The following SREBF2 variants were observed in gnomAD, a reference collection of about 807,000 sequenced individuals.
SREBF2 encodes sterol regulatory element binding transcription factor 2.
In SREBF2, 55 loss-of-function variants were observed where a neutral mutation model predicts 113.1. The observed-to-expected ratio is 0.49, with a 90% confidence interval of 0.39 to 0.61. The LOEUF is 0.61. Among genes scored for constraint, SREBF2 ranks in the 20% least tolerant of loss-of-function variants. The pLI, the probability that SREBF2 is intolerant of heterozygous loss-of-function variation, is 0.00. For synonymous variants in SREBF2, 593 were observed against 605.7 expected (o/e 0.98, Z 0.31); for missense variants, 1,349 against 1,487.4 (o/e 0.91, Z 1.53).
At position 41,903,054 on chromosome 22, in the gene SREBF2, G is replaced by A; in HGVS notation, c.2992G>A (p.Gly998Arg). The A allele has an allele frequency of 1.1e-5, 17 of 1,606,816 alleles. No homozygotes were observed. The highest frequency in any genetic ancestry group is 1.4e-5 in the Non-Finnish European group (17 of 1,176,980). The change falls in exon 17 of 19, where the codon GGG (glycine) becomes AGG (arginine). Residue 998 changes from glycine to arginine, a missense_variant. By Grantham distance (125) the Gly-to-Arg change is moderately radical. Around this residue, in one of 2 missense-constraint regions of SREBF2, gnomAD observed 650 missense variants for 644.1 expected, o/e 1.01. Transcript: ENST00000361204. The stretch of plus-strand genomic sequence containing the variant: ...ACAGGCCAGTGCCAGCCAGGCTGTG[G>A]GGGAGACCTACCACGCGTCAGGCGC... ...QKQASASQAV[G>R]ETYHASGAEL... is the part of the protein sequence containing the mutation.
intron 7 of SREBF2, among the ~76,000 whole-genome samples, chr22:41,876,426 C>T (rs1311908595): frequency 6.6e-6 from 1 of 152,180 alleles, no homozygotes. Flanking sequence ...AAATGTGGTT[C>T]TGTTTGGCAA....
chr22:41,843,420 G>A lies in SREBF2; in HGVS notation c.88+10062G>A, dbSNP rs182445828. 3.3e-5 allele frequency among the ~76,000 whole-genome samples: 5 copies of A among 152,360 alleles called. No homozygotes were observed. In the East Asian group the frequency reaches 9.6e-4, roughly 29 times the overall value. ...TCTCACAGAATGTGTATGGCCTTGGGTGCCAGGCACCGTTCCATGCCTTAA... is the reference window on the plus strand; with the variant it reads ...TCTCACAGAATGTGTATGGCCTTGGATGCCAGGCACCGTTCCATGCCTTAA... On this transcript the variant is annotated intron_variant, in intron 1 of 18. Transcript: ENST00000361204.
In SREBF2 at chr22:41,842,138, A is replaced by T. The variant is rs529386736; in HGVS notation, c.88+8780A>T. Among the ~76,000 whole-genome samples, 17 of 152,284 alleles carry T rather than the reference A, an allele frequency of 1.1e-4. No homozygotes were observed. In the South Asian group the frequency reaches 3.5e-3, roughly 32 times the overall value. On this transcript the variant is annotated intron_variant, in intron 1 of 18. Transcript: ENST00000361204. The stretch of plus-strand genomic sequence containing the variant: ...AACTTGGAAATATTTTTATTTTTTT[A>T]AAAGATAGTACATTCATATGAATCA...
Position 41,905,565 on chromosome 22 carries a change from C to T in SREBF2, c.3331C>T (p.Arg1111Cys), listed in dbSNP as rs769470667. 9.4e-6 allele frequency: 15 copies of T among 1,596,022 alleles called. No homozygotes were observed. The highest frequency in any genetic ancestry group is 2.3e-5 in the East Asian group (1 of 43,888). The change falls in exon 19 of 19, where the codon CGC (arginine) becomes TGC (cysteine). Residue 1111 changes from arginine (R) to cysteine (C), a missense_variant. By Grantham distance (180) the Arg-to-Cys change is radical (BLOSUM62 -3). Around this residue, in one of 2 missense-constraint regions of SREBF2, gnomAD observed 650 missense variants for 644.1 expected, o/e 1.01. Transcript: ENST00000361204. ...GGCAGTGCTGCTGGCCGAAGCTGCCCGCACCCTGGAGAAGGTGGGCGACCG... is the reference window on the plus strand; with the variant it reads ...GGCAGTGCTGCTGGCCGAAGCTGCCTGCACCCTGGAGAAGGTGGGCGACCG... ...QRAVLLAEAA[R>C]TLEKVGDRRS... is the part of the protein sequence containing the mutation.
chr22:41,901,636 G>A (rs1207427385), intron 16 of SREBF2, among the ~76,000 whole-genome samples: 1 of 152,198 alleles, frequency 6.6e-6, no homozygotes, highest in Non-Finnish European at 1.5e-5. Flanking sequence ...ACTCCAGCCT[G>A]GGCAACAGAG....
intron 1 of SREBF2, among the ~76,000 whole-genome samples, chr22:41,856,338 A>C (rs969082284): frequency 1.3e-5 from 2 of 151,944 alleles, no homozygotes; most frequent in Non-Finnish European, 2.9e-5. Context: ...TATGTTGCCC[A>C]AGCTGGTCTC....
At chr22:41,859,799 CTTTTTTTTTTTTTT>C (rs1174473976) in intron 1 of SREBF2, among the ~76,000 whole-genome samples, 6 of 54,346 alleles carry the variant, frequency 1.1e-4, no homozygotes, top group African/African-American at 2.3e-4. Flanking sequence ...TATGGTGATT[CTTTTTTTTTTTTTT>C]TTTTTTTTTT....
At position 41,905,990 on chromosome 22, in the gene SREBF2, C is replaced by A; in HGVS notation, c.*330C>A. 1 of 552,610 alleles carries A rather than the reference C, an allele frequency of 1.8e-6. No individual in the cohort carries two copies. Among genetic ancestry groups the A allele is most frequent in the Non-Finnish European group, 3.5e-6 (1 of 289,676 alleles). The allele number at this position is 552,610 out of a possible 1,614,324, so 34.2% of individuals were successfully genotyped here. On this transcript the variant is annotated 3_prime_UTR_variant, in exon 19 of 19. Coordinates refer to ENST00000361204, the MANE Select transcript of SREBF2 (RefSeq NM_004599.4). ...GTTTCTCTCTCCTGAACCCTACTCT[C>A]TCCTTTTTGCTTCCTCAGTTTTTAT... is the stretch of plus-strand genomic sequence containing the variant.
At chr22:41,902,577 G>C in intron 16 of SREBF2, among the ~76,000 whole-genome samples, 1 of 152,088 alleles carries the variant, frequency 6.6e-6, no homozygotes, top group South Asian at 2.1e-4. Flanking sequence ...CTTTTCCTTG[G>C]TACCTTGTGG....
At chr22:41,896,413 G>A (rs2077417334) in intron 13 of SREBF2, among the ~76,000 whole-genome samples, 1 of 152,152 alleles carries the variant, frequency 6.6e-6, no homozygotes, top group African/African-American at 2.4e-5. Flanking sequence ...AGGCTGGAAT[G>A]TAGTGGTACA....
At position 41,905,699 on chromosome 22, in the gene SREBF2, TTCTC is replaced by T; in HGVS notation, c.*46_*49del. ...CCCACCCCTCCACCTCTCTCTCGAT[TTCTC>T]TCTCTCCCCCTCAGCATCTTCCCGC... On this transcript the variant is annotated 3_prime_UTR_variant, in exon 19 of 19. Coordinates refer to ENST00000361204, the MANE Select transcript of SREBF2 (RefSeq NM_004599.4). The T allele has an allele frequency of 1.3e-6, 2 of 1,531,438 alleles. No homozygotes were observed. Among genetic ancestry groups the T allele is most frequent in the Non-Finnish European group, 1.8e-6 (2 of 1,129,244 alleles). The allele number at this position is 1,531,438 out of a possible 1,614,324, so 94.9% of individuals were successfully genotyped here. A position where few individuals can be genotyped will look rare whatever the true frequency, so the allele number is the denominator to read the frequency against.
At chr22:41,889,180 C>T (rs1252649458) in intron 11 of SREBF2, among the ~76,000 whole-genome samples, 1 of 152,084 alleles carries the variant, frequency 6.6e-6, no homozygotes, top group Non-Finnish European at 1.5e-5. Flanking sequence ...GGCTGGAGTG[C>T]AGTGGTGCAA....
Position 41,880,789 on chromosome 22 carries a change from G to A in SREBF2, c.1835G>A (p.Arg612His), listed in dbSNP as rs750128710. The A allele has an allele frequency of 6.5e-5, 105 of 1,614,000 alleles. No homozygotes were observed. The highest frequency in any genetic ancestry group is 8.4e-5 in the Non-Finnish European group (99 of 1,180,030). Residue 612 changes from arginine to histidine, a missense_variant, in exon 10 of 19, where the codon CGC becomes CAC. Physicochemically the swap from Arg to His is conservative, Grantham distance 29. Around this residue, in one of 2 missense-constraint regions of SREBF2, gnomAD observed 699 missense variants for 843.3 expected, o/e 0.83. Coordinates refer to ENST00000361204, the MANE Select transcript of SREBF2 (RefSeq NM_004599.4). Reference sequence around the variant, plus strand: ...TTGGGCCGGGCACTGCCCACCTCCCGCCTGGACCTGGCCTGCAGCCTCTCC... The same window carrying A: ...TTGGGCCGGGCACTGCCCACCTCCCACCTGGACCTGGCCTGCAGCCTCTCC... ...AVLGRALPTS[R>H]LDLACSLSWN...
intron 12 of SREBF2, among the ~76,000 whole-genome samples, 178 bp from the exon 13 acceptor site, chr22:41,894,642 G>T (rs2077395456): frequency 6.6e-6 from 1 of 152,144 alleles, no homozygotes; most frequent in Non-Finnish European, 1.5e-5. Flanking sequence ...TTCAGGCTGG[G>T]AGTGAACACT....
intron 1 of SREBF2, among the ~76,000 whole-genome samples, chr22:41,851,738 A>G (rs903704997): frequency 6.7e-6 from 1 of 149,270 alleles, no homozygotes; most frequent in African/African-American, 2.5e-5. Flanking sequence ...CAGGTGATCC[A>G]CCCGCCTCGG....
At chr22:41,885,834 C>T (rs1290303394) in intron 11 of SREBF2, 2 of 152,602 alleles carry the variant, frequency 1.3e-5, no homozygotes, top group African/African-American at 2.4e-5. Context: ...TGAATCAGAA[C>T]GTGCCCTGTA....
In SREBF2 at chr22:41,878,094, C is replaced by T. The variant is rs1182528443; in HGVS notation, c.1732C>T (p.Arg578Trp). Residue 578 changes from arginine (R) to tryptophan (W), a missense_variant, in exon 9 of 19, where the codon CGG becomes TGG. Arg to Trp is a moderately radical substitution (Grantham distance 101). Around this residue, in one of 2 missense-constraint regions of SREBF2, gnomAD observed 699 missense variants for 843.3 expected, o/e 0.83. Transcript: ENST00000361204. ...SRSSVTFWRHRKQADLDLARG... is the reference protein window; with the variant it reads ...SRSSVTFWRHWKQADLDLARG... Reference sequence around the variant, plus strand: ...CTCCTCGGTCACCTTCTGGAGGCACCGGAAACAGGCAGATCTGGATCTCGC... The same window carrying T: ...CTCCTCGGTCACCTTCTGGAGGCACTGGAAACAGGCAGATCTGGATCTCGC... 16 of 1,614,150 alleles carry T rather than the reference C, an allele frequency of 9.9e-6. No individual in the cohort carries two copies. The highest frequency in any genetic ancestry group is 1.7e-5 in the Admixed American group (1 of 60,026).
chr22:41,896,151 AAAG>A (rs2077414890), intron 13 of SREBF2, among the ~76,000 whole-genome samples: 1 of 151,610 alleles, frequency 6.6e-6, no homozygotes, highest in Non-Finnish European at 1.5e-5. Flanking sequence ...AAAAAAAAAA[AAAG>A]AAAGGGGATG....
chr22:41,895,431 C>CTTTTT (rs35810171), intron 13 of SREBF2, among the ~76,000 whole-genome samples: 3 of 106,222 alleles, frequency 2.8e-5, no homozygotes, highest in African/African-American at 7.6e-5. Flanking sequence ...ATGCCCAGGC[C>CTTTTT]TTTTTTTTTT....
Sources: gnomAD v4.1 joint callset for allele counts (sites outside exome capture counted in the v4.1 genomes callset) on GRCh38, gnomAD v4.1.1 for gene constraint, gnomAD v4.1.1 regional missense constraint, MANE v1.5 for transcripts, NCBI Gene and HGNC (gene_info 2026-07-23, HGNC 2026-07-21) for gene names.